The following GPATCH8 variants were observed in gnomAD, a reference collection of about 807,000 sequenced individuals.
GPATCH8 encodes G-patch domain containing 8, also known as G patch domain-containing protein 8.
Under a neutral mutation model 118.3 loss-of-function variants are expected in GPATCH8, and 18 were observed. The observed-to-expected ratio is 0.15, with a 90% CI of 0.11 to 0.23. The LOEUF (loss-of-function observed/expected upper bound fraction) is 0.23. Ranked by LOEUF, GPATCH8 falls within the 10% of genes least tolerant of loss-of-function variation. The pLI, the probability that GPATCH8 is intolerant of heterozygous loss-of-function variation, is 1.00. For synonymous variants in GPATCH8, 659 were observed against 684.7 expected (o/e 0.96, Z 0.59); for missense variants, 1,631 against 1,873.8 (o/e 0.87, Z 2.39).
chr17:44,498,634 G>A (rs147912634), intron 1 of GPATCH8, among the ~76,000 whole-genome samples: 1 of 152,276 alleles, frequency 6.6e-6, no homozygotes, highest in East Asian at 1.9e-4. Flanking sequence ...AACTGGTACA[G>A]CCCTGATTCT....
chr17:44,502,470 G>C (rs1169689016), intron 1 of GPATCH8, among the ~76,000 whole-genome samples: 1 of 151,660 alleles, frequency 6.6e-6, no homozygotes, highest in Non-Finnish European at 1.5e-5. Context: ...TCAACAGAAA[G>C]GTATTTTCAA....
At chr17:44,430,287 T>C (rs941069973) in intron 5 of GPATCH8, among the ~76,000 whole-genome samples, 1 of 152,046 alleles carries the variant, frequency 6.6e-6, no homozygotes, top group Non-Finnish European at 1.5e-5. Flanking sequence ...CAAAATGCTA[T>C]CAAACCAAAT....
chr17:44,429,640 T>A (rs1040709217), intron 5 of GPATCH8, among the ~76,000 whole-genome samples: 4 of 59,792 alleles, frequency 6.7e-5, no homozygotes, highest in African/African-American at 1.6e-4. Flanking sequence ...TGAAACCCCG[T>A]CTCTACTAAA....
At chr17:44,492,315 C>G (rs1236258855) in intron 1 of GPATCH8, among the ~76,000 whole-genome samples, 2 of 101,982 alleles carry the variant, frequency 2.0e-5, no homozygotes, top group South Asian at 2.9e-4. Context: ...AAAAAAAAAG[C>G]GCCCGTAACC....
chr17:44,493,439 TTTA>T (rs1969433722), intron 1 of GPATCH8, among the ~76,000 whole-genome samples: 1 of 152,148 alleles, frequency 6.6e-6, no homozygotes, highest in African/African-American at 2.4e-5. Context: ...TTTCTACCAG[TTTA>T]TTAACTGGTA....
rs750815857 is a variant in GPATCH8, at chr17:44,400,084, T to G, written c.1993A>C (p.Lys665Gln). 1.2e-6 allele frequency: 2 copies of G among 1,613,956 alleles called. No homozygotes were observed. The highest frequency in any genetic ancestry group is 1.7e-6 in the Non-Finnish European group (2 of 1,180,044). The change falls in exon 8 of 8, where the codon AAG (lysine) becomes CAG (glutamine). Residue 665 changes from lysine (K) to glutamine (Q), a missense_variant. This residue lies in a region of GPATCH8 where 922 missense variants were observed against 879.7 expected (regional missense o/e 1.05). Coordinates refer to ENST00000591680, the MANE Select transcript of GPATCH8 (RefSeq NM_001002909.4). Reference sequence around the variant, plus strand: ...TGGGACTTCCCAGATCGTTCTTTCTTGCTGGGAAGGCTTCTCCCTGTGTCT... The same window carrying G: ...TGGGACTTCCCAGATCGTTCTTTCTGGCTGGGAAGGCTTCTCCCTGTGTCT... ...TEDTGRSLPSKKERSGKSHRH... is the reference protein window; with the variant it reads ...TEDTGRSLPSQKERSGKSHRH...
At chr17:44,453,325 T>C (rs557479547) in intron 3 of GPATCH8, among the ~76,000 whole-genome samples, 40 of 152,216 alleles carry the variant, frequency 2.6e-4, no homozygotes, top group Non-Finnish European at 4.0e-4. Flanking sequence ...GGGCAACATA[T>C]TGGACTTCTC....
chr17:44,401,000 T>C lies in GPATCH8; in HGVS notation c.1077A>G (p.Lys359=). Residue 359 remains lysine, a synonymous_variant, in exon 8 of 8, where the codon AAA becomes AAG. Coordinates refer to ENST00000591680, the MANE Select transcript of GPATCH8 (RefSeq NM_001002909.4). ...CTCCATCCTGAGGGTCTTCATCCTC[T>C]TTTTTACCATCAAGATTACTGCTCC... ...SDGSSNLDGK[K]EDEDPQDGGS... 6.2e-7 allele frequency: 1 copy of C among 1,613,760 alleles called. No homozygotes were observed. The highest frequency in any genetic ancestry group is 8.5e-7 in the Non-Finnish European group (1 of 1,179,662).
chr17:44,399,292 AAT>A lies in GPATCH8; in HGVS notation c.2783_2784del (p.Tyr928PhefsTer4). 1 of 1,613,864 alleles carries A rather than the reference AAT, an allele frequency of 6.2e-7. No homozygotes were observed. The highest frequency in any genetic ancestry group is 8.5e-7 in the Non-Finnish European group (1 of 1,179,874). The part of the protein sequence containing the change: ...SSKHRSKRHK[Y>X]SSSDDDYSLS... ...AGGCTATAGTCATCATCAGAAGATGAATATTTGTGCCGTTTTGATCGGTGTTT... is the reference window on the plus strand; with the variant it reads ...AGGCTATAGTCATCATCAGAAGATGAATTTGTGCCGTTTTGATCGGTGTTT... On this transcript the variant is annotated frameshift_variant, in exon 8 of 8. Transcript: ENST00000591680. LOFTEE classifies it high-confidence loss of function.
chr17:44,427,193 G>C (rs573289357), intron 5 of GPATCH8, among the ~76,000 whole-genome samples: 3 of 151,366 alleles, frequency 2.0e-5, no homozygotes, highest in Non-Finnish European at 4.4e-5. Flanking sequence ...CTCCCACCTC[G>C]GCCTTCTGAG....
At chr17:44,417,995 A>T (rs1465464782) in intron 6 of GPATCH8, among the ~76,000 whole-genome samples, 1 of 152,248 alleles carries the variant, frequency 6.6e-6, no homozygotes, top group Non-Finnish European at 1.5e-5. Context: ...TGAAGGCCAG[A>T]TAAAATATAT....
At chr17:44,465,816 A>G (rs1240125677) in intron 2 of GPATCH8, 1 of 152,236 alleles carries the variant, frequency 6.6e-6, no homozygotes, top group Non-Finnish European at 1.5e-5. Flanking sequence ...ATTCAATGAT[A>G]AAGTGTTCTT....
intron 7 of GPATCH8, 34 bp downstream of exon 7, chr17:44,405,887 A>G (rs1376588402): frequency 4.2e-6 from 6 of 1,430,796 alleles, no homozygotes; most frequent in Non-Finnish European, 5.9e-6. Context: ...GATTATAATT[A>G]TCTGTACAAC....
chr17:44,446,245 G>A (rs756496031), intron 3 of GPATCH8, among the ~76,000 whole-genome samples: 4 of 151,846 alleles, frequency 2.6e-5, no homozygotes, highest in African/African-American at 9.7e-5. Flanking sequence ...TCACCATGCC[G>A]CCTATATTAG....
chr17:44,434,693 G>A (rs1291751703), intron 5 of GPATCH8, among the ~76,000 whole-genome samples: 1 of 152,218 alleles, frequency 6.6e-6, no homozygotes, highest in Non-Finnish European at 1.5e-5. Flanking sequence ...GGGGTTACAA[G>A]TGTGAGCCAC....
At chr17:44,463,897 C>T (rs2051658728) in intron 3 of GPATCH8, among the ~76,000 whole-genome samples, 1 of 152,042 alleles carries the variant, frequency 6.6e-6, no homozygotes, top group East Asian at 1.9e-4. Context: ...TTTTCCAGAC[C>T]TTGATAGGAA....
At chr17:44,402,324 C>CAAAA (rs61316944) in intron 7 of GPATCH8, among the ~76,000 whole-genome samples, 12 of 41,794 alleles carry the variant, frequency 2.9e-4, no homozygotes, top group Non-Finnish European at 4.5e-4. Context: ...GACTCTGTCT[C>CAAAA]AAAAAAAAAA....
chr17:44,405,863 T>C, intron 7 of GPATCH8, 58 bp downstream of exon 7: 1 of 1,202,976 alleles, frequency 8.3e-7, no homozygotes, highest in Non-Finnish European at 1.2e-6. Context: ...AAATCTATAA[T>C]TTAAAATTTT....
intron 1 of GPATCH8, among the ~76,000 whole-genome samples, chr17:44,489,379 C>T (rs1455420381): frequency 6.7e-6 from 1 of 149,370 alleles, no homozygotes; most frequent in Non-Finnish European, 1.5e-5. Context: ...GAGTCTCTGT[C>T]ACCCAGGCTG....
Sources: allele counts gnomAD v4.1 joint callset (sites outside exome capture counted in the v4.1 genomes callset), GRCh38; gene constraint gnomAD v4.1.1; regional missense constraint gnomAD v4.1.1; transcripts MANE v1.5; gene names NCBI Gene and HGNC (gene_info 2026-07-23, HGNC 2026-07-21).